ADAMTS18: variants seen among roughly 807,000 people sequenced by gnomAD.
ADAMTS18 encodes A disintegrin and metalloproteinase with thrombospondin motifs 18.
In ADAMTS18, 157 loss-of-function variants were observed where a neutral mutation model predicts 165.9. The observed-to-expected ratio is 0.95, with a 90% confidence interval of 0.83 to 1.08. The LOEUF (loss-of-function observed/expected upper bound fraction) is 1.08. Ranked by LOEUF, ADAMTS18 falls within the 50% of genes least tolerant of loss-of-function variation. ADAMTS18 has a pLI of 0.00. For synonymous variants in ADAMTS18, 782 were observed against 578.2 expected, an observed-to-expected ratio of 1.35 and a Z score of -5.06; for missense variants, 2,040 against 1,534.0, an observed-to-expected ratio of 1.33 and a Z score of -5.51.
chr16:77,363,057 T>G (rs1464631741), intron 6 of ADAMTS18, among the ~76,000 whole-genome samples: 1 of 152,186 alleles, frequency 6.6e-6, no homozygotes, highest in African/African-American at 2.4e-5. Context: ...GCTTTTTATG[T>G]TTTTTACTGG....
chr16:77,364,537 T>C (rs903783517), intron 4 of ADAMTS18, among the ~76,000 whole-genome samples, 156 bp from the exon 5 acceptor site: 1 of 144,450 alleles, frequency 6.9e-6, no homozygotes, highest in Non-Finnish European at 1.5e-5. Flanking sequence ...CCCAGGTGCC[T>C]TGCATCTAGT....
intron 3 of ADAMTS18, among the ~76,000 whole-genome samples, chr16:77,383,933 C>G (rs527545915): frequency 6.6e-6 from 1 of 152,216 alleles, no homozygotes; most frequent in Non-Finnish European, 1.5e-5. Flanking sequence ...TGAAACAAAG[C>G]CAACCTTGTC....
chr16:77,300,018 A>G (rs564018309), intron 17 of ADAMTS18: 57 of 414,320 alleles, frequency 1.4e-4, no homozygotes, highest in African/African-American at 8.3e-4. Context: ...TGTTTTTCCC[A>G]TAAGTTTTAG....
chr16:77,425,764 CG>C (rs1567558462), intron 3 of ADAMTS18, among the ~76,000 whole-genome samples: 1 of 151,944 alleles, frequency 6.6e-6, no homozygotes, highest in Non-Finnish European at 1.5e-5. Flanking sequence ...AGGAGTGGGC[CG>C]GGCACGGTGG....
Position 77,300,151 on chromosome 16 carries a change from A to T in ADAMTS18, c.2674+112T>A, listed in dbSNP as rs2055552780. 1.6e-5 allele frequency: 21 copies of T among 1,301,896 alleles called. No homozygotes were observed. In the South Asian group the frequency reaches 2.6e-4, roughly 16 times the overall value. The allele number at this position is 1,301,896 out of a possible 1,614,324, so 80.6% of individuals were successfully genotyped here. On this transcript the variant is annotated intron_variant, in intron 17 of 22. Coordinates refer to ENST00000282849, the MANE Select transcript of ADAMTS18 (RefSeq NM_199355.4). ...GCTTTTATGGTGATGGTTCTCATAA[A>T]AGACAGTTCTTGGGTGGCTTATTTA...
chr16:77,430,179 A>C (rs908346198), intron 3 of ADAMTS18, among the ~76,000 whole-genome samples: 2 of 152,196 alleles, frequency 1.3e-5, no homozygotes, highest in Admixed American at 6.5e-5. Flanking sequence ...CAAACAAAAA[A>C]ACAAGATATA....
In ADAMTS18 at chr16:77,353,900, A is replaced by G; in HGVS notation, c.1461-14T>C. On this transcript the variant is annotated splice_polypyrimidine_tract_variant and intron_variant, in intron 9 of 22. Transcript: ENST00000282849. ...GCCTGAGGTGTGCTGTAATGACAAT[A>G]CATGCTTATTAATTACTCTGTTGAT... is the stretch of plus-strand genomic sequence containing the variant. 1 of 1,614,124 alleles carries G rather than the reference A, an allele frequency of 6.2e-7. No homozygotes were observed. The highest frequency in any genetic ancestry group is 8.5e-7 in the Non-Finnish European group (1 of 1,180,000).
intron 3 of ADAMTS18, among the ~76,000 whole-genome samples, chr16:77,379,848 A>C (rs2057006798): frequency 6.6e-6 from 1 of 152,072 alleles, no homozygotes; most frequent in Admixed American, 6.6e-5. Context: ...ACACCTGAGC[A>C]CTTCAAGGTC....
chr16:77,350,702 G>C (rs1417932758), intron 10 of ADAMTS18, among the ~76,000 whole-genome samples: 106 of 152,252 alleles, frequency 7.0e-4, no homozygotes, highest in Non-Finnish European at 5.9e-5. Context: ...TCTTGACTGA[G>C]CATCAGGGTC....
chr16:77,424,097 C>T (rs2091235906), intron 3 of ADAMTS18, among the ~76,000 whole-genome samples: 1 of 152,130 alleles, frequency 6.6e-6, no homozygotes, highest in Non-Finnish European at 1.5e-5. Flanking sequence ...AAAACCAAGG[C>T]CCAGAGACAT....
chr16:77,375,436 T>C (rs1198229620), intron 3 of ADAMTS18, among the ~76,000 whole-genome samples: 2 of 151,948 alleles, frequency 1.3e-5, no homozygotes, highest in Non-Finnish European at 2.9e-5. Flanking sequence ...GATAAAATAA[T>C]AGAAGGGGTG....
chr16:77,285,895 A>G (rs1167211284), intron 22 of ADAMTS18, among the ~76,000 whole-genome samples: 1 of 152,172 alleles, frequency 6.6e-6, no homozygotes, highest in Non-Finnish European at 1.5e-5. Flanking sequence ...GGCAGAGTTG[A>G]CAAGTCCTTG....
chr16:77,420,265 G>C (rs148971400), intron 3 of ADAMTS18, among the ~76,000 whole-genome samples: 56 of 152,116 alleles, frequency 3.7e-4, no homozygotes, highest in African/African-American at 1.2e-3. Context: ...CAAATAACTA[G>C]CATTTGAACA....
intron 3 of ADAMTS18, among the ~76,000 whole-genome samples, chr16:77,405,504 T>C (rs1213524678): frequency 3.3e-5 from 5 of 152,208 alleles, no homozygotes; most frequent in African/African-American, 7.2e-5. Flanking sequence ...GTGTTCTTAA[T>C]TTCAACTTTT....
At chr16:77,323,468 T>G (rs1438689395) in intron 13 of ADAMTS18, among the ~76,000 whole-genome samples, 1 of 152,142 alleles carries the variant, frequency 6.6e-6, no homozygotes, top group East Asian at 1.9e-4. Flanking sequence ...TAATGCGTAA[T>G]TTTTGCACAT....
intron 12 of ADAMTS18, among the ~76,000 whole-genome samples, 185 bp from the exon 13 acceptor site, chr16:77,326,223 A>G (rs927014571): frequency 1.7e-4 from 26 of 152,186 alleles, no homozygotes; most frequent in Non-Finnish European, 3.7e-4. Context: ...AATCTAGGCT[A>G]GACATAACTA....
At chr16:77,400,452 G>C (rs867961386) in intron 3 of ADAMTS18, among the ~76,000 whole-genome samples, 12 of 72,228 alleles carry the variant, frequency 1.7e-4, no homozygotes, top group East Asian at 3.4e-4. Flanking sequence ...GTGTGTGTGT[G>C]TGTCTGTGTG....
chr16:77,364,081 A>G, intron 5 of ADAMTS18, 107 bp downstream of exon 5: 2 of 1,467,150 alleles, frequency 1.4e-6, no homozygotes, highest in African/African-American at 1.4e-5. Context: ...AGAAACTGCA[A>G]TTACATTTGC....
chr16:77,409,409 A>T (rs1187847544), intron 3 of ADAMTS18, among the ~76,000 whole-genome samples: 1 of 152,196 alleles, frequency 6.6e-6, no homozygotes, highest in South Asian at 2.1e-4. Context: ...TTAGTGTCAA[A>T]AGTAGCATTT....
Sources: allele counts gnomAD v4.1 joint callset (sites outside exome capture counted in the v4.1 genomes callset), GRCh38; gene constraint gnomAD v4.1.1; transcripts MANE v1.5; gene names NCBI Gene and HGNC (gene_info 2026-07-23, HGNC 2026-07-21).